The following DLGAP1 variants were observed in gnomAD, a reference collection of about 807,000 sequenced individuals.
The protein encoded by DLGAP1 is disks large-associated protein 1.
In DLGAP1, 11 loss-of-function variants were observed where a neutral mutation model predicts 90.8. The ratio of observed to expected loss-of-function variants is 0.12; its 90% CI spans 0.08 to 0.20. The LOEUF (loss-of-function observed/expected upper bound fraction) is 0.20. Ranked by LOEUF, DLGAP1 falls within the 10% of genes least tolerant of loss-of-function variation. DLGAP1 has a pLI of 1.00. For missense variants in DLGAP1, 1,050 were observed against 1,333.8 expected, an observed-to-expected ratio of 0.79 and a Z score of 3.31; for synonymous variants, 558 against 540.7, an observed-to-expected ratio of 1.03 and a Z score of -0.44.
intron 1 of DLGAP1, among the ~76,000 whole-genome samples, chr18:4,217,490 T>A (rs1568456380): frequency 1.3e-5 from 2 of 152,114 alleles, no homozygotes; most frequent in Non-Finnish European, 2.9e-5. Context: ...CAGCAATGAA[T>A]GAAAGTTCCT....
At chr18:3,932,736 T>C (rs1427129250) in intron 3 of DLGAP1, among the ~76,000 whole-genome samples, 1 of 152,214 alleles carries the variant, frequency 6.6e-6, no homozygotes, top group East Asian at 1.9e-4. Context: ...TCCATGTCCA[T>C]TTGACCACTT....
intron 2 of DLGAP1, among the ~76,000 whole-genome samples, chr18:4,015,440 T>C (rs1412793075): frequency 1.3e-5 from 2 of 152,192 alleles, no homozygotes; most frequent in African/African-American, 2.4e-5. Flanking sequence ...TTTGGTATCC[T>C]TACTCTGGAA....
intron 7 of DLGAP1, among the ~76,000 whole-genome samples, chr18:3,663,265 C>A (rs1420471024): frequency 1.3e-5 from 2 of 150,776 alleles, no homozygotes; most frequent in Admixed American, 6.7e-5. Context: ...GAGCAAGACT[C>A]CCCCTAAAAA....
chr18:3,609,337 T>C (rs567239511), intron 7 of DLGAP1, among the ~76,000 whole-genome samples: 1 of 152,220 alleles, frequency 6.6e-6, no homozygotes, highest in Non-Finnish European at 1.5e-5. Flanking sequence ...GTGATCCACC[T>C]CACCCGGGCC....
At chr18:3,863,639 T>A (rs1222065505) in intron 4 of DLGAP1, among the ~76,000 whole-genome samples, 1 of 152,230 alleles carries the variant, frequency 6.6e-6, no homozygotes, top group African/African-American at 2.4e-5. Context: ...TCTTGCTGAC[T>A]GGTACTGATG....
At chr18:3,741,067 C>A (rs1484869707) in intron 6 of DLGAP1, among the ~76,000 whole-genome samples, 1 of 108,642 alleles carries the variant, frequency 9.2e-6, no homozygotes, top group Non-Finnish European at 1.9e-5. Flanking sequence ...ATCACCACCA[C>A]CACCACCACC....
chr18:4,411,731 T>C (rs1225043094), intron 1 of DLGAP1, among the ~76,000 whole-genome samples: 2 of 152,158 alleles, frequency 1.3e-5, no homozygotes, highest in African/African-American at 2.4e-5. Flanking sequence ...ATTCTGGCCA[T>C]AGGCTAGGAT....
At chr18:4,309,629 G>A (rs1400219503) in intron 1 of DLGAP1, among the ~76,000 whole-genome samples, 1 of 152,168 alleles carries the variant, frequency 6.6e-6, no homozygotes, top group Non-Finnish European at 1.5e-5. Context: ...TGTCAGTGGA[G>A]AAGGAAAGAT....
chr18:4,107,190 C>T (rs1197637874), intron 2 of DLGAP1, among the ~76,000 whole-genome samples: 1 of 152,238 alleles, frequency 6.6e-6, no homozygotes. Flanking sequence ...TTAGATTCTA[C>T]TTCAGCCTGA....
rs1286225089 is a variant in DLGAP1 at position 3,729,333 on chromosome 18, C to T, written c.1393G>A (p.Glu465Lys). 2 of 1,613,982 alleles carry T rather than the reference C, an allele frequency of 1.2e-6. No individual in the cohort carries two copies. The highest frequency in any genetic ancestry group is 1.7e-6 in the Non-Finnish European group (2 of 1,179,870). The stretch of plus-strand genomic sequence containing the variant: ...GACTCCAGCTCGCTGAACACGGACT[C>T]GCACACGGACTCGAACTGCCCGTTC... ...EVNGQFESVC[E>K]SVFSELESQA... The change falls in exon 7 of 13, where the codon GAG becomes AAG. Residue 465 changes from glutamate (E) to lysine (K), a missense_variant. Physicochemically the swap from Glu to Lys is moderately conservative, Grantham distance 56. Coordinates refer to ENST00000315677, the MANE Select transcript of DLGAP1 (RefSeq NM_004746.4). This position sits in a 1 kb window ranked among gnomAD's most constrained non-coding sequence, Gnocchi z 6.2.
At chr18:3,621,328 C>T (rs957351630) in intron 7 of DLGAP1, among the ~76,000 whole-genome samples, 4 of 152,112 alleles carry the variant, frequency 2.6e-5, no homozygotes, top group African/African-American at 7.2e-5. Flanking sequence ...AAAGCTGAAG[C>T]GGGAAGAAGG....
At chr18:4,381,773 G>T (rs903487339) in intron 1 of DLGAP1, among the ~76,000 whole-genome samples, 4 of 152,124 alleles carry the variant, frequency 2.6e-5, no homozygotes, top group Admixed American at 6.5e-5. Flanking sequence ...CCACTCTAAG[G>T]TTCCAGGCAC....
intron 1 of DLGAP1, among the ~76,000 whole-genome samples, chr18:4,219,455 T>A (rs117367585): frequency 6.6e-6 from 1 of 152,088 alleles, no homozygotes; most frequent in African/African-American, 2.4e-5. Context: ...CTGTTTCCTT[T>A]GCTCTGCAGA....
rs78945782 is a variant in DLGAP1 at position 3,979,267 on chromosome 18, A to C, written c.-73+25849T>G. Reference sequence around the variant, plus strand: ...TTTTTTTCTATGTTTAGATGCACAAATATTTACCGTGGTGTTACACCTGCC... The same window carrying C: ...TTTTTTTCTATGTTTAGATGCACAACTATTTACCGTGGTGTTACACCTGCC... On this transcript the variant is annotated intron_variant, in intron 3 of 12. Transcript: ENST00000315677. Among the ~76,000 whole-genome samples the C allele has an allele frequency of 3.3e-3, 501 of 152,260 alleles. 9 individuals are homozygous for C. The highest frequency in any genetic ancestry group is 0.014 in the East Asian group (73 of 5,186).
intron 9 of DLGAP1, among the ~76,000 whole-genome samples, chr18:3,557,301 C>A (rs1276954792): frequency 6.6e-6 from 1 of 152,108 alleles, no homozygotes; most frequent in Non-Finnish European, 1.5e-5. Flanking sequence ...GTTGGTGGAT[C>A]ACAAGGTCAG....
At chr18:4,306,189 A>G (rs2080255179) in intron 1 of DLGAP1, among the ~76,000 whole-genome samples, 1 of 152,080 alleles carries the variant, frequency 6.6e-6, no homozygotes, top group African/African-American at 2.4e-5. Flanking sequence ...CAGGAAGGCA[A>G]TTGCCTGAGC....
chr18:4,283,195 C>G (rs1033130138), intron 1 of DLGAP1, among the ~76,000 whole-genome samples: 5 of 152,054 alleles, frequency 3.3e-5, no homozygotes, highest in African/African-American at 9.7e-5. Context: ...CAAATCGGAC[C>G]CTATCTGATA....
intron 9 of DLGAP1, among the ~76,000 whole-genome samples, chr18:3,562,150 C>T (rs2054161332): frequency 6.6e-6 from 1 of 151,962 alleles, no homozygotes; most frequent in African/African-American, 2.4e-5. Context: ...TTGCTTGAAC[C>T]CAGGAGGCAG....
intron 7 of DLGAP1, among the ~76,000 whole-genome samples, chr18:3,629,228 C>T: frequency 6.6e-6 from 1 of 151,814 alleles, no homozygotes; most frequent in Middle Eastern, 3.2e-3. Context: ...GCCTGGGTAA[C>T]ACAGCAAGAC....
Sources: allele counts gnomAD v4.1 joint callset (sites outside exome capture counted in the v4.1 genomes callset), GRCh38; gene constraint gnomAD v4.1.1; non-coding constraint Gnocchi (gnomAD v3.1); transcripts MANE v1.5; gene names NCBI Gene and HGNC (gene_info 2026-07-23, HGNC 2026-07-21).